BMAL1: variants seen among roughly 807,000 people sequenced by gnomAD.
The protein encoded by BMAL1 is basic helix-loop-helix ARNT like 1.
the BMAL1 span, among the ~76,000 whole-genome samples, chr11:13,386,268 C>G: frequency 3.9e-5 from 6 of 152,154 alleles, 1 homozygote; most frequent in Non-Finnish European, 8.8e-5. Flanking sequence ...CTGGTTACAT[C>G]AGATTATTAA....
chr11:13,320,966 T>C, the BMAL1 span, among the ~76,000 whole-genome samples: 1 of 152,210 alleles, frequency 6.6e-6, no homozygotes, highest in Admixed American at 6.5e-5. Context: ...ATAATAAATA[T>C]ACGGCTGTAT....
At chr11:13,314,853 T>C in the BMAL1 span, among the ~76,000 whole-genome samples, 3 of 152,156 alleles carry the variant, frequency 2.0e-5, no homozygotes, top group African/African-American at 7.2e-5. Context: ...AAGTCCCCAG[T>C]GAATACTGAG....
chr11:13,322,989 G>T, the BMAL1 span, among the ~76,000 whole-genome samples: 1 of 150,638 alleles, frequency 6.6e-6, no homozygotes, highest in Non-Finnish European at 1.5e-5. Flanking sequence ...TAGAGACAGC[G>T]TCTAGCCATG....
chr11:13,344,898 G>T, the BMAL1 span, among the ~76,000 whole-genome samples: 1 of 152,248 alleles, frequency 6.6e-6, no homozygotes, highest in South Asian at 2.1e-4. Context: ...TGGGGAAGGA[G>T]AGCAGTACTT....
At chr11:13,281,447 AC>A in the BMAL1 span, among the ~76,000 whole-genome samples, 17 of 151,804 alleles carry the variant, frequency 1.1e-4, no homozygotes, top group Admixed American at 8.5e-4. Flanking sequence ...TTTCTCCAAA[AC>A]TTTGTCGTGA....
chr11:13,367,208 T>G, the BMAL1 span, among the ~76,000 whole-genome samples: 1 of 152,170 alleles, frequency 6.6e-6, no homozygotes, highest in Non-Finnish European at 1.5e-5. Context: ...AAATATGGTG[T>G]TTCTTCAACC....
At chr11:13,292,297 C>A in the BMAL1 span, among the ~76,000 whole-genome samples, 1 of 152,002 alleles carries the variant, frequency 6.6e-6, no homozygotes, top group Admixed American at 6.6e-5. Context: ...GTAATCCCAG[C>A]ACTTTGGGAG....
chr11:13,313,674 C>G, the BMAL1 span, among the ~76,000 whole-genome samples: 1 of 152,184 alleles, frequency 6.6e-6, no homozygotes, highest in Non-Finnish European at 1.5e-5. Flanking sequence ...ATGACAGCCT[C>G]TTAATTGGTC....
the BMAL1 span, chr11:13,356,378 G>C: frequency 1.2e-5 from 6 of 508,078 alleles, no homozygotes; most frequent in Admixed American, 4.5e-5. Context: ...AGAATGATGG[G>C]GGGGGAGAAT....
the BMAL1 span, among the ~76,000 whole-genome samples, chr11:13,280,009 G>T: frequency 6.6e-6 from 1 of 152,208 alleles, no homozygotes; most frequent in Admixed American, 6.5e-5. Context: ...AGATTTCTAG[G>T]TTGTGTTTGC....
chr11:13,287,540 AT>A, the BMAL1 span, among the ~76,000 whole-genome samples: 1 of 152,352 alleles, frequency 6.6e-6, no homozygotes, highest in East Asian at 1.9e-4. Context: ...ATACTTGTTT[AT>A]TCCTTCAAAA....
chr11:13,293,047 C>T, the BMAL1 span, among the ~76,000 whole-genome samples: 6 of 152,012 alleles, frequency 3.9e-5, no homozygotes, highest in Non-Finnish European at 8.8e-5. Flanking sequence ...GTTGTGGTGG[C>T]GATGGAAGGG....
chr11:13,367,948 T>C, the BMAL1 span, among the ~76,000 whole-genome samples: 1 of 152,232 alleles, frequency 6.6e-6, no homozygotes, highest in Admixed American at 6.5e-5. Context: ...TGTGGCCTAA[T>C]GTCTTGCTCC....
At chr11:13,378,564 G>A in the BMAL1 span, 4 of 1,396,786 alleles carry the variant, frequency 2.9e-6, no homozygotes, top group South Asian at 5.2e-5. Context: ...AACTGGGTGG[G>A]AGGTTGCTAC....
the BMAL1 span, among the ~76,000 whole-genome samples, chr11:13,277,227 G>C: frequency 6.6e-6 from 1 of 152,262 alleles, no homozygotes; most frequent in African/African-American, 2.4e-5. Flanking sequence ...GAGGGAGAGA[G>C]GGAGTCAGGA....
At chr11:13,378,560 G>C in the BMAL1 span, 2 of 1,415,936 alleles carry the variant, frequency 1.4e-6, no homozygotes, top group Non-Finnish European at 1.9e-6. Context: ...TCACAACTGG[G>C]TGGGAGGTTG....
the BMAL1 span, among the ~76,000 whole-genome samples, chr11:13,317,262 G>T: frequency 2.6e-5 from 4 of 152,192 alleles, no homozygotes; most frequent in South Asian, 2.1e-4. Flanking sequence ...TGCACATTAT[G>T]TCCAGATATT....
chr11:13,341,558 A>G, the BMAL1 span, among the ~76,000 whole-genome samples: 1 of 152,104 alleles, frequency 6.6e-6, no homozygotes, highest in East Asian at 1.9e-4. Context: ...GCTCCATCCT[A>G]ACTCCACCCT....
chr11:13,352,135 AG>A, the BMAL1 span, among the ~76,000 whole-genome samples: 1 of 152,118 alleles, frequency 6.6e-6, no homozygotes, highest in Non-Finnish European at 1.5e-5. Context: ...GGAGCATCTA[AG>A]GAGGTGGTAG....
Sources: gnomAD v4.1 joint callset for allele counts (sites outside exome capture counted in the v4.1 genomes callset) on GRCh38, gnomAD v4.1.1 for gene constraint, MANE v1.5 for transcripts, NCBI Gene and HGNC (gene_info 2026-07-23, HGNC 2026-07-21) for gene names.